The following WWOX variants were observed in gnomAD, a reference collection of about 807,000 sequenced individuals.
WWOX encodes the protein WW domain containing oxidoreductase.
Under a neutral mutation model 46.2 loss-of-function variants are expected in WWOX, and 69 were observed. The observed-to-expected ratio is 1.49, with a 90% confidence interval of 1.23 to 1.82. The LOEUF (loss-of-function observed/expected upper bound fraction) is 1.82, where lower values mean the gene tolerates loss of function less well. Among genes scored for constraint, WWOX ranks in the 40% most tolerant of loss-of-function variants. The pLI is 0.00. For synonymous variants in WWOX, 359 were observed against 202.6 expected (o/e 1.77, Z -6.56); for missense variants, 919 against 542.6 (o/e 1.69, Z -6.89).
At chr16:79,157,397 T>G (rs1891401880) in intron 8 of WWOX, among the ~76,000 whole-genome samples, 1 of 150,694 alleles carries the variant, frequency 6.6e-6, no homozygotes, top group South Asian at 2.1e-4. Flanking sequence ...AAACTGTGTC[T>G]CAGTTTTTTC....
chr16:78,783,396 C>T (rs564026654), intron 8 of WWOX, among the ~76,000 whole-genome samples: 119 of 152,270 alleles, frequency 7.8e-4, no homozygotes, highest in African/African-American at 2.7e-3. Context: ...AAATTGTTAG[C>T]TACACGACCA....
At chr16:78,189,397 T>A (rs77961350) in intron 5 of WWOX, among the ~76,000 whole-genome samples, 7,735 of 152,218 alleles carry the variant, frequency 0.051, 300 homozygotes, top group African/African-American at 0.11. Context: ...TGTCCTTGTC[T>A]CCATCGCTGT....
At chr16:78,933,765 C>G (rs768378231) in intron 8 of WWOX, among the ~76,000 whole-genome samples, 1 of 152,096 alleles carries the variant, frequency 6.6e-6, no homozygotes, top group Non-Finnish European at 1.5e-5. Context: ...ATCACGAGAA[C>G]AGCATGGGAA....
rs2044699641 is a variant in WWOX at position 78,896,335 on chromosome 16, C to G, written c.1057-315273C>G. ...TTGTAGAATGACTGGCTTCCCAAAA[C>G]CACTTGGTGTTTACAAAGTTATCAA... On this transcript the variant is annotated intron_variant, in intron 8 of 8. Coordinates refer to ENST00000566780, the MANE Select transcript of WWOX (RefSeq NM_016373.4). The G allele has an allele frequency of 2.0e-5, 3 of 152,036 alleles. No individual in the cohort carries two copies. In the South Asian group the frequency reaches 6.2e-4, roughly 32 times the overall value. 9.4% of individuals were successfully genotyped at this position (152,036 alleles called of 1,614,324 possible). A position where few individuals can be genotyped will look rare whatever the true frequency, so the allele number is the denominator to read the frequency against.
intron 5 of WWOX, among the ~76,000 whole-genome samples, chr16:78,364,862 G>A (rs566990536): frequency 3.3e-5 from 5 of 152,246 alleles, no homozygotes; most frequent in Middle Eastern, 3.4e-3. Context: ...ACATGCAGTC[G>A]TTTTGGCCTT....
intron 8 of WWOX, among the ~76,000 whole-genome samples, chr16:78,964,312 A>G (rs952431274): frequency 6.6e-6 from 1 of 152,232 alleles, no homozygotes; most frequent in Non-Finnish European, 1.5e-5. Flanking sequence ...TGATAGCAAT[A>G]TGGACAATAA....
chr16:79,202,510 C>G (rs1051647297), intron 8 of WWOX: 10 of 152,240 alleles, frequency 6.6e-5, no homozygotes, highest in African/African-American at 2.4e-4. Context: ...CAAGTCCTTC[C>G]ACTGTTGTTC....
chr16:79,081,819 C>A (rs1305437159), intron 8 of WWOX, among the ~76,000 whole-genome samples: 1 of 152,104 alleles, frequency 6.6e-6, no homozygotes, highest in Non-Finnish European at 1.5e-5. Flanking sequence ...ACCTGTCGTG[C>A]TTGAGTGACA....
intron 8 of WWOX, among the ~76,000 whole-genome samples, chr16:78,545,658 C>A (rs934337063): frequency 2.0e-5 from 3 of 152,192 alleles, no homozygotes; most frequent in Admixed American, 2.0e-4. Flanking sequence ...GCACCGTGTT[C>A]ATTTGCTATG....
chr16:78,896,721 A>G (rs2044708338), intron 8 of WWOX: 1 of 151,546 alleles, frequency 6.6e-6, no homozygotes, highest in African/African-American at 2.4e-5. Context: ...TACTAATATA[A>G]AATTGGGCCT....
At chr16:78,942,297 T>C (rs2045867562) in intron 8 of WWOX, among the ~76,000 whole-genome samples, 1 of 152,224 alleles carries the variant, frequency 6.6e-6, no homozygotes. Flanking sequence ...GAAGAATTTT[T>C]CTTCATTTGT....
intron 5 of WWOX, among the ~76,000 whole-genome samples, chr16:78,334,709 T>C (rs542055120): frequency 2.6e-5 from 4 of 151,360 alleles, no homozygotes; most frequent in Non-Finnish European, 4.4e-5. Context: ...TTTAAATAGC[T>C]AACTAAACAA....
intron 8 of WWOX, among the ~76,000 whole-genome samples, chr16:78,634,821 A>AAT (rs1479637488): frequency 1.9e-5 from 2 of 104,858 alleles, no homozygotes; most frequent in Non-Finnish European, 4.0e-5. Flanking sequence ...GGAGAGAGAG[A>AAT]GAGAGAGAGA....
chr16:79,058,341 G>T (rs1288507118), intron 8 of WWOX, among the ~76,000 whole-genome samples: 8 of 151,740 alleles, frequency 5.3e-5, no homozygotes, highest in African/African-American at 1.9e-4. Flanking sequence ...GCTAAAATAA[G>T]CTGCTTTTAG....
At chr16:78,994,766 T>A (rs1057050105) in intron 8 of WWOX, among the ~76,000 whole-genome samples, 1 of 152,120 alleles carries the variant, frequency 6.6e-6, no homozygotes, top group African/African-American at 2.4e-5. Context: ...AGAAGGACTT[T>A]CTTTGGAGCG....
intron 8 of WWOX, chr16:78,872,749 T>C (rs2044154592): frequency 6.6e-6 from 1 of 152,124 alleles, no homozygotes; most frequent in Non-Finnish European, 1.5e-5. Context: ...ATCTTGGTGG[T>C]TTTTGAAGCA....
At chr16:78,362,887 C>T (rs1204556007) in intron 5 of WWOX, among the ~76,000 whole-genome samples, 1 of 152,094 alleles carries the variant, frequency 6.6e-6, no homozygotes, top group East Asian at 1.9e-4. Flanking sequence ...TTGCTAAATG[C>T]GTAAAGGAGG....
intron 5 of WWOX, chr16:78,238,044 T>G (rs1475858901): frequency 6.6e-6 from 1 of 152,212 alleles, no homozygotes; most frequent in Non-Finnish European, 1.5e-5. Context: ...GGCTGTGGTC[T>G]GAGTCTTGCT....
At chr16:78,278,851 T>A (rs756402367) in intron 5 of WWOX, 65 of 596,272 alleles carry the variant, frequency 1.1e-4, no homozygotes, top group Non-Finnish European at 1.7e-4. Flanking sequence ...ACTCTTCAGG[T>A]GACTAAAGAA....
Sources: allele counts gnomAD v4.1 joint callset (sites outside exome capture counted in the v4.1 genomes callset), GRCh38; gene constraint gnomAD v4.1.1; transcripts MANE v1.5; gene names NCBI Gene and HGNC (gene_info 2026-07-23, HGNC 2026-07-21).